The following AK8 variants were observed in gnomAD, a reference collection of about 807,000 sequenced individuals.
The protein encoded by AK8 is adenylate kinase 8.
In AK8, 44 loss-of-function variants were observed where a neutral mutation model predicts 54.6. That is an observed-to-expected ratio of 0.81 (90% CI 0.63 to 1.04). The LOEUF (loss-of-function observed/expected upper bound fraction) is 1.04, where lower values mean the gene tolerates loss of function less well. Among genes scored for constraint, AK8 ranks in the 50% least tolerant of loss-of-function variants. AK8 has a pLI of 0.00. For synonymous variants in AK8, 239 were observed against 245.6 expected (o/e 0.97, Z 0.25); for missense variants, 555 against 613.6 (o/e 0.90, Z 1.01).
Position 132,776,607 on chromosome 9 carries a change from G to A in AK8, c.1121+16027C>T, listed in dbSNP as rs115425513. Among the ~76,000 whole-genome samples, 829 of 152,328 alleles carry A rather than the reference G, an allele frequency of 5.4e-3. 8 individuals are homozygous for A. Among genetic ancestry groups the A allele is most frequent in the African/African-American group, 0.019 (789 of 41,568 alleles). On this transcript the variant is annotated intron_variant, in intron 11 of 12. Coordinates refer to ENST00000298545, the MANE Select transcript of AK8 (RefSeq NM_152572.3). ...GCCAGCAGAGCTCTGAGAGTGCTGC[G>A]GGGCCGCCACGCTGCAGGATGGAAG...
intron 9 of AK8, 30 bp from the exon 10 acceptor site, chr9:132,814,757 A>C: frequency 6.3e-7 from 1 of 1,593,894 alleles, no homozygotes; most frequent in Non-Finnish European, 8.6e-7. Flanking sequence ...AAAGACACCC[A>C]TTAAATTTTA....
intron 11 of AK8, among the ~76,000 whole-genome samples, chr9:132,740,034 T>G (rs1837296744): frequency 6.6e-6 from 1 of 152,180 alleles, no homozygotes; most frequent in Non-Finnish European, 1.5e-5. Context: ...AATATCCCCA[T>G]CTAGTAAATT....
chr9:132,797,582 G>T (rs1003722070), intron 10 of AK8, among the ~76,000 whole-genome samples: 1 of 147,196 alleles, frequency 6.8e-6, no homozygotes, highest in Non-Finnish European at 1.5e-5. Flanking sequence ...GTAGGGGAGG[G>T]TGGTTCTAGA....
intron 11 of AK8, among the ~76,000 whole-genome samples, chr9:132,780,464 A>G (rs1176969701): frequency 1.3e-5 from 2 of 152,210 alleles, no homozygotes; most frequent in Non-Finnish European, 1.5e-5. Flanking sequence ...GCAAAAGCCA[A>G]CAACAACAAC....
At chr9:132,801,761 T>C (rs1023582768) in intron 10 of AK8, among the ~76,000 whole-genome samples, 11 of 152,368 alleles carry the variant, frequency 7.2e-5, no homozygotes, top group African/African-American at 2.6e-4. Context: ...GTTCTAAGCA[T>C]GTCTTTGTTC....
At chr9:132,848,132 AAAAAAAAAAAAG>A (rs1310783767) in intron 5 of AK8, among the ~76,000 whole-genome samples, 2,095 of 145,924 alleles carry the variant, frequency 0.014, 90 homozygotes, top group Middle Eastern at 0.08. Flanking sequence ...AAAAAAAAAA[AAAAAAAAAAAAG>A]ATTGAAGAGA....
rs547438583 is a variant in AK8, at chr9:132,750,276, A to G, written c.1122-22742T>C. Among the ~76,000 whole-genome samples, 219 of 151,808 alleles carry G rather than the reference A, an allele frequency of 1.4e-3. 1 individual carries two copies. Among genetic ancestry groups the G allele is most frequent in the African/African-American group, 5.1e-3 (212 of 41,468 alleles). ...TGGGATTACAGGCATGTGCCACCAC[A>G]CCCGGCTAATTTTTGTACTTTTAGT... On this transcript the variant is annotated intron_variant, in intron 11 of 12. Transcript: ENST00000298545.
chr9:132,803,560 T>G lies in AK8; in HGVS notation c.980-10785A>C, dbSNP rs1380587761. On this transcript the variant is annotated intron_variant, in intron 10 of 12. Transcript: ENST00000298545. This position sits in a 1 kb window ranked among gnomAD's most constrained non-coding sequence, Gnocchi z 4.4. ...TAGTGAATTACAGACACAATTCCCT[T>G]TATATAGAGCAAGCCAACAAATGGG... Among the ~76,000 whole-genome samples the G allele has an allele frequency of 1.3e-5, 2 of 152,058 alleles. No homozygotes were observed. Among genetic ancestry groups the G allele is most frequent in the African/African-American group, 2.4e-5 (1 of 41,374 alleles).
intron 5 of AK8, 70 bp downstream of exon 5, chr9:132,854,787 G>A: frequency 6.5e-7 from 1 of 1,538,668 alleles, no homozygotes; most frequent in South Asian, 1.1e-5. Context: ...TCTGGTCTTG[G>A]AGATGAACAC....
At position 132,759,539 on chromosome 9, in the gene AK8, T is replaced by C. The variant is rs536259565; in HGVS notation, c.1122-32005A>G. ...ATCCCAAGATCATAAGATAGTTTCGTATATGTTCTTCTACAAGGTTTTACA... is the reference window on the plus strand; with the variant it reads ...ATCCCAAGATCATAAGATAGTTTCGCATATGTTCTTCTACAAGGTTTTACA... On this transcript the variant is annotated intron_variant, in intron 11 of 12. Transcript: ENST00000298545. Among the ~76,000 whole-genome samples, 101 of 152,380 alleles carry C rather than the reference T, an allele frequency of 6.6e-4. 1 individual carries two copies. Among genetic ancestry groups the C allele is most frequent in the Admixed American group, 1.0e-3 (16 of 15,310 alleles).
At chr9:132,777,129 A>C (rs563009597) in intron 11 of AK8, among the ~76,000 whole-genome samples, 39 of 152,130 alleles carry the variant, frequency 2.6e-4, no homozygotes, top group Non-Finnish European at 5.3e-4. Context: ...GGCTGCTCAG[A>C]GGGGCCAGCC....
chr9:132,871,414 T>C (rs1410768993), intron 2 of AK8, among the ~76,000 whole-genome samples: 4 of 152,180 alleles, frequency 2.6e-5, no homozygotes, highest in South Asian at 2.1e-4. Context: ...ATTTCAGTGG[T>C]TGGGGCTTGA....
rs186739411 is a variant in AK8, at chr9:132,740,362, A to G, written c.1122-12828T>C. ...CCTAGAAAGATCACATGCCTGCACA[A>G]GGTTATTTGGCTAAAAAGAGGCAGA... On this transcript the variant is annotated intron_variant, in intron 11 of 12. Transcript: ENST00000298545. Among the ~76,000 whole-genome samples the G allele has an allele frequency of 1.8e-4, 28 of 152,318 alleles. No homozygotes were observed. The East Asian group carries it at 5.2e-3, about 28-fold the overall frequency.
At chr9:132,876,971 C>T (rs1285967974) in intron 1 of AK8, among the ~76,000 whole-genome samples, 1 of 152,088 alleles carries the variant, frequency 6.6e-6, no homozygotes, top group African/African-American at 2.4e-5. Context: ...GGGACTAAGG[C>T]AGAAGGATTG....
intron 11 of AK8, among the ~76,000 whole-genome samples, chr9:132,786,188 G>C (rs1839701465): frequency 1.3e-5 from 2 of 152,152 alleles, no homozygotes; most frequent in African/African-American, 4.8e-5. Flanking sequence ...GGAACTGGTG[G>C]CTAAAATAAG....
intron 5 of AK8, among the ~76,000 whole-genome samples, chr9:132,831,614 C>A (rs1842104885): frequency 6.6e-6 from 1 of 152,192 alleles, no homozygotes; most frequent in African/African-American, 2.4e-5. Context: ...TAGAGCCCTC[C>A]CTCTCAGCCA....
chr9:132,876,649 C>T (rs1022549080), intron 1 of AK8, among the ~76,000 whole-genome samples: 3 of 152,118 alleles, frequency 2.0e-5, no homozygotes, highest in Non-Finnish European at 4.4e-5. Context: ...GATGTTATCA[C>T]GGGGGCAATG....
intron 4 of AK8, among the ~76,000 whole-genome samples, chr9:132,859,136 T>C (rs1321334111): frequency 6.6e-6 from 1 of 152,078 alleles, no homozygotes; most frequent in Non-Finnish European, 1.5e-5. Flanking sequence ...TGGCCAGAAG[T>C]GAGGGAGACA....
At chr9:132,844,297 C>CAAAAA (rs35309762) in intron 5 of AK8, among the ~76,000 whole-genome samples, 1 of 92,650 alleles carries the variant, frequency 1.1e-5, no homozygotes, top group Non-Finnish European at 2.0e-5. Flanking sequence ...TGCATTAGAC[C>CAAAAA]AAAAAAAAAA....
Sources: gnomAD v4.1 joint callset for allele counts (sites outside exome capture counted in the v4.1 genomes callset) on GRCh38, gnomAD v4.1.1 for gene constraint, Gnocchi (gnomAD v3.1) non-coding constraint, MANE v1.5 for transcripts, NCBI Gene and HGNC (gene_info 2026-07-23, HGNC 2026-07-21) for gene names.